The following PLEKHA4 variants were observed in gnomAD, a reference collection of about 807,000 sequenced individuals.
PLEKHA4 encodes pleckstrin homology domain containing A4.
PLEKHA4 carries 73 observed loss-of-function variants against 94.7 expected under a neutral mutation model. The ratio of observed to expected loss-of-function variants is 0.77; its 90% CI spans 0.64 to 0.94. The LOEUF (loss-of-function observed/expected upper bound fraction) is 0.94. Among genes scored for constraint, PLEKHA4 ranks in the 40% least tolerant of loss-of-function variants. The pLI is 0.00. For missense variants in PLEKHA4, 1,049 were observed against 1,054.1 expected, an observed-to-expected ratio of 1.00 and a Z score of 0.07; for synonymous variants, 449 against 437.1, an observed-to-expected ratio of 1.03 and a Z score of -0.34.
rs771629966 is a variant in PLEKHA4, at chr19:48,857,442, G to A, written c.1027C>T (p.Arg343Trp). 1.8e-5 allele frequency: 28 copies of A among 1,553,058 alleles called. 1 individual carries two copies. Among genetic ancestry groups the A allele is most frequent in the Middle Eastern group, 2.0e-4 (1 of 5,088 alleles). Residue 343 changes from arginine (R) to tryptophan (W), a missense_variant, in exon 9 of 20, where the codon CGG (arginine) becomes TGG (tryptophan). Transcript: ENST00000263265. ...LQLPPRPPGTRASMVLLPGPP... is the reference protein window; with the variant it reads ...LQLPPRPPGTWASMVLLPGPP... ...CCTACCAATAAAACCATGGAGGCCC[G>A]GGTCCCAGGGGGCCGCGGGGGGAGC...
chr19:48,860,864 A>C (rs1373109037), intron 5 of PLEKHA4, among the ~76,000 whole-genome samples: 1 of 151,612 alleles, frequency 6.6e-6, no homozygotes, highest in East Asian at 1.9e-4. Context: ...AAAAAAAGGA[A>C]AGGAAAGGAA....
At position 48,860,169 on chromosome 19, in the gene PLEKHA4, G is replaced by A. The variant is rs145064048; in HGVS notation, c.476+181C>T. The A allele has an allele frequency of 2.7e-3, 1,617 of 604,354 alleles. 24 individuals carry two copies. The African/African-American group carries it at 0.027, about 10-fold the overall frequency. 37.4% of individuals were successfully genotyped at this position (604,354 alleles called of 1,614,324 possible). On this transcript the variant is annotated intron_variant, in intron 6 of 19. Transcript: ENST00000263265. ...GGACAAGGTGGTGGGCGGAACTTAAGGGAGAAAGACTTTTGCTGATTGGAA... is the reference window on the plus strand; with the variant it reads ...GGACAAGGTGGTGGGCGGAACTTAAAGGAGAAAGACTTTTGCTGATTGGAA...
chr19:48,863,425 G>GTTTTTT (rs1436464028), intron 3 of PLEKHA4, among the ~76,000 whole-genome samples: 1 of 114,618 alleles, frequency 8.7e-6, no homozygotes, highest in Non-Finnish European at 1.9e-5. Context: ...GCTAATTTAG[G>GTTTTTT]TTTTTTGTTT....
intron 3 of PLEKHA4, among the ~76,000 whole-genome samples, chr19:48,862,506 C>G (rs549668523): frequency 1.4e-4 from 21 of 145,576 alleles, no homozygotes; most frequent in Admixed American, 1.3e-3. Flanking sequence ...TGGCCTCCCC[C>G]ACTTTCTTTT....
intron 6 of PLEKHA4, chr19:48,859,897 A>C: frequency 1.7e-6 from 1 of 601,774 alleles, no homozygotes; most frequent in African/African-American, 1.9e-5. Flanking sequence ...GCTGGACCCA[A>C]TGCCCCGGAA....
intron 13 of PLEKHA4, 22 bp downstream of exon 13, chr19:48,852,206 G>A: frequency 6.3e-7 from 1 of 1,592,948 alleles, no homozygotes. Context: ...GTGGGTCTTG[G>A]GGTCTCCAAG....
chr19:48,851,600 G>C (rs893673683), intron 13 of PLEKHA4, among the ~76,000 whole-genome samples: 1 of 151,150 alleles, frequency 6.6e-6, no homozygotes, highest in South Asian at 2.1e-4. Context: ...CGGGCAACAA[G>C]AGTAAAACTC....
At chr19:48,843,714 G>A (rs929608334) in intron 16 of PLEKHA4, among the ~76,000 whole-genome samples, 5 of 151,316 alleles carry the variant, frequency 3.3e-5, no homozygotes, top group Non-Finnish European at 4.4e-5. Flanking sequence ...CTGGAGTGCA[G>A]TGGCGCAGTA....
intron 9 of PLEKHA4, among the ~76,000 whole-genome samples, chr19:48,856,917 G>GAAAAAAAA (rs1331180756): frequency 9.0e-6 from 1 of 111,044 alleles, no homozygotes; most frequent in Non-Finnish European, 1.7e-5. Flanking sequence ...AAAAAAAAAA[G>GAAAAAAAA]AAAGAAAGAA....
chr19:48,853,005 G>A (rs961673821), intron 12 of PLEKHA4, among the ~76,000 whole-genome samples: 17 of 152,116 alleles, frequency 1.1e-4, no homozygotes, highest in African/African-American at 4.1e-4. Flanking sequence ...CAATAACAAT[G>A]ATAATATCAG....
chr19:48,837,599 AC>A lies in PLEKHA4; in HGVS notation c.2078-49del. The A allele has an allele frequency of 6.2e-7, 1 of 1,602,878 alleles. No individual in the cohort carries two copies. Among genetic ancestry groups the A allele is most frequent in the Non-Finnish European group, 8.5e-7 (1 of 1,175,156 alleles). ...GAGAATGGCAAACCTCAGCGCTAGG[AC>A]CCCGGATTCCCAGCCCCTCCTCCCT... On this transcript the variant is annotated intron_variant, in intron 19 of 19. Transcript: ENST00000263265. This position sits in a 1 kb window ranked among gnomAD's most constrained non-coding sequence, Gnocchi z 4.3.
At chr19:48,851,533 T>C (rs2036187025) in intron 13 of PLEKHA4, among the ~76,000 whole-genome samples, 2 of 151,994 alleles carry the variant, frequency 1.3e-5, no homozygotes, top group Non-Finnish European at 2.9e-5. Context: ...GGTGAATCGC[T>C]TGAGCCCGGG....
chr19:48,844,692 A>C (rs1205827490), intron 16 of PLEKHA4: 28 of 967,706 alleles, frequency 2.9e-5, no homozygotes, highest in Non-Finnish European at 3.1e-5. Context: ...CAGAGCACAG[A>C]GCTTCCACAG....
chr19:48,847,519 G>T (rs1045934333), intron 14 of PLEKHA4, among the ~76,000 whole-genome samples: 11 of 152,220 alleles, frequency 7.2e-5, no homozygotes, highest in Admixed American at 3.9e-4. Context: ...ATTACTCAAG[G>T]CCAGGAGTAC....
At position 48,868,229 on chromosome 19, in the gene PLEKHA4, CTCTT is replaced by C. The variant is rs1456995624; in HGVS notation, c.-157_-154del. 2.6e-5 allele frequency: 4 copies of C among 152,826 alleles called. No individual in the cohort carries two copies. Among genetic ancestry groups the C allele is most frequent in the Non-Finnish European group, 4.4e-5 (3 of 68,514 alleles). The allele number at this position is 152,826 out of a possible 1,614,324, so 9.5% of individuals were successfully genotyped here. The stretch of plus-strand genomic sequence containing the variant: ...TCACCTGCTCACTCACACTTTTTGT[CTCTT>C]TGTCTCCTGTCTCTTACGGTCTCTC... On this transcript the variant is annotated 5_prime_UTR_variant, in exon 1 of 20. Transcript: ENST00000263265.
intron 2 of PLEKHA4, among the ~76,000 whole-genome samples, chr19:48,866,900 T>C (rs1393804041): frequency 6.6e-6 from 1 of 152,164 alleles, no homozygotes; most frequent in Non-Finnish European, 1.5e-5. Flanking sequence ...CCCTCCATCC[T>C]GCCCGGATGG....
At position 48,854,029 on chromosome 19, in the gene PLEKHA4, A is replaced by G. The variant is rs145634743; in HGVS notation, c.1154T>C (p.Ile385Thr). ...DRLLRRLQEE[I>T]DQKQEEKEQL... ...CACCTTCTCCTCCTGCTTCTGGTCT[A>G]TCTCCTCCTGCAGCCTCCGCAGAAG... The change falls in exon 11 of 20, where the codon ATA becomes ACA. Residue 385 changes from isoleucine to threonine, a missense_variant. By Grantham distance (89) the Ile-to-Thr change is moderately conservative. Coordinates refer to ENST00000263265, the MANE Select transcript of PLEKHA4 (RefSeq NM_020904.3). 202 of 1,613,884 alleles carry G rather than the reference A, an allele frequency of 1.3e-4. No individual in the cohort carries two copies. Among genetic ancestry groups the G allele is most frequent in the Admixed American group, 8.3e-5 (5 of 59,968 alleles).
intron 14 of PLEKHA4, among the ~76,000 whole-genome samples, chr19:48,847,553 GA>G (rs1460171449): frequency 6.6e-6 from 1 of 152,314 alleles, no homozygotes; most frequent in East Asian, 1.9e-4. Flanking sequence ...CCAACAAGGT[GA>G]AACTCCGTTT....
Position 48,847,899 on chromosome 19 carries a change from C to G in PLEKHA4, c.1566+1G>C, listed in dbSNP as rs748624804. On this transcript the variant is annotated splice_donor_variant, in intron 14 of 19. Coordinates refer to ENST00000263265, the MANE Select transcript of PLEKHA4 (RefSeq NM_020904.3). LOFTEE classifies it high-confidence loss of function. ...GTGGGGAGGAATTATGTGCGTCTTACCTCCCTCTCTGAGGACTCCTCGCCC... is the reference window on the plus strand; with the variant it reads ...GTGGGGAGGAATTATGTGCGTCTTAGCTCCCTCTCTGAGGACTCCTCGCCC... 1 of 1,558,496 alleles carries G rather than the reference C, an allele frequency of 6.4e-7. No homozygotes were observed. Among genetic ancestry groups the G allele is most frequent in the Admixed American group, 1.9e-5 (1 of 51,690 alleles).
Sources: gnomAD v4.1 joint callset for allele counts (sites outside exome capture counted in the v4.1 genomes callset) on GRCh38, gnomAD v4.1.1 for gene constraint, Gnocchi (gnomAD v3.1) non-coding constraint, MANE v1.5 for transcripts, NCBI Gene and HGNC (gene_info 2026-07-23, HGNC 2026-07-21) for gene names.